Variants in UCK2 observed in about 807,000 individuals in gnomAD.
UCK2 encodes cytidine monophosphokinase 2.
Under a neutral mutation model 30.8 loss-of-function variants are expected in UCK2, and 6 were observed. That is an observed-to-expected ratio of 0.19 (90% CI 0.11 to 0.38). The LOEUF (loss-of-function observed/expected upper bound fraction) is 0.38, where lower values mean the gene tolerates loss of function less well. Among genes scored for constraint, UCK2 ranks in the 10% least tolerant of loss-of-function variants. The pLI, the probability that UCK2 is intolerant of heterozygous loss-of-function variation, is 1.00. For synonymous variants in UCK2, 125 were observed against 133.6 expected (o/e 0.94, Z 0.45); for missense variants, 210 against 339.8 (o/e 0.62, Z 3.00).
intron 4 of UCK2, among the ~76,000 whole-genome samples, chr1:165,896,820 C>T (rs995087259): frequency 2.6e-5 from 4 of 152,186 alleles, no homozygotes; most frequent in Non-Finnish European, 5.9e-5. Flanking sequence ...TCACTCTTTC[C>T]AGTCAGCTCA....
intron 4 of UCK2, chr1:165,900,272 C>T (rs1017606101): frequency 4.6e-5 from 7 of 152,230 alleles, no homozygotes; most frequent in African/African-American, 1.7e-4. Context: ...CATCATAGAA[C>T]ACATGCTTAT....
At chr1:165,889,282 CCTT>C (rs1333002198) in intron 1 of UCK2, among the ~76,000 whole-genome samples, 3 of 152,204 alleles carry the variant, frequency 2.0e-5, no homozygotes, top group Admixed American at 1.3e-4. Context: ...GTGAGCATAG[CCTT>C]CTTGCTAACT....
intron 1 of UCK2, among the ~76,000 whole-genome samples, chr1:165,861,480 T>C (rs1207425966): frequency 6.7e-6 from 1 of 150,084 alleles, no homozygotes; most frequent in Non-Finnish European, 1.5e-5. Context: ...TACAAAAAAT[T>C]AGCCGGGCGT....
At chr1:165,869,345 A>G (rs750342092) in intron 1 of UCK2, among the ~76,000 whole-genome samples, 78 of 151,396 alleles carry the variant, frequency 5.2e-4, no homozygotes, top group Non-Finnish European at 8.8e-4. Flanking sequence ...CAAACCTTCA[A>G]TTTGTAAAAA....
At chr1:165,898,363 C>T (rs1440158976) in intron 4 of UCK2, among the ~76,000 whole-genome samples, 1 of 152,174 alleles carries the variant, frequency 6.6e-6, no homozygotes, top group African/African-American at 2.4e-5. Context: ...AGAGGTAGTG[C>T]AGGTAAAATG....
chr1:165,892,509 G>A (rs1028839291), intron 3 of UCK2: 5 of 152,198 alleles, frequency 3.3e-5, no homozygotes, highest in African/African-American at 1.2e-4. Context: ...CCCTGTCTCA[G>A]TATTATGATC....
At chr1:165,892,112 T>C in intron 3 of UCK2, 1 of 101,500 alleles carries the variant, frequency 9.9e-6, no homozygotes, top group Non-Finnish European at 2.1e-5. Context: ...GAGGGGGCTG[T>C]TTTGGTGCTT....
At chr1:165,894,385 C>G (rs1402703414) in intron 3 of UCK2, 1 of 152,126 alleles carries the variant, frequency 6.6e-6, no homozygotes, top group African/African-American at 2.4e-5. Context: ...GTTCTGTTTT[C>G]TGAACTTCTC....
In UCK2 at chr1:165,882,577, G is replaced by T. The variant is rs184208757; in HGVS notation, c.100-7627G>T. On this transcript the variant is annotated intron_variant, in intron 1 of 6. Coordinates refer to ENST00000367879, the MANE Select transcript of UCK2 (RefSeq NM_012474.5). ...AGTTCAACATCAAGGTACTGGCAGGGTTGGTGTCTGGTGAGGGCCGCTGTC... is the reference window on the plus strand; with the variant it reads ...AGTTCAACATCAAGGTACTGGCAGGTTTGGTGTCTGGTGAGGGCCGCTGTC... Among the ~76,000 whole-genome samples, 346 of 152,320 alleles carry T rather than the reference G, an allele frequency of 2.3e-3. 2 individuals are homozygous for T. The highest frequency in any genetic ancestry group is 8.0e-3 in the African/African-American group (332 of 41,574).
chr1:165,838,066 A>G (rs368418661), intron 1 of UCK2, among the ~76,000 whole-genome samples: 3 of 152,326 alleles, frequency 2.0e-5, no homozygotes, highest in African/African-American at 7.2e-5. Flanking sequence ...TCGCTAAGTG[A>G]CTTGGATCCA....
chr1:165,887,784 A>T (rs1333877034), intron 1 of UCK2, among the ~76,000 whole-genome samples: 1 of 146,886 alleles, frequency 6.8e-6, no homozygotes, highest in African/African-American at 2.5e-5. Context: ...CCCCCCACCC[A>T]TCCATCTGTA....
intron 1 of UCK2, among the ~76,000 whole-genome samples, chr1:165,835,084 C>T (rs927357100): frequency 3.3e-5 from 5 of 152,074 alleles, no homozygotes; most frequent in African/African-American, 7.2e-5. Context: ...CTTGCCTGTC[C>T]TCTAGAAGTC....
At chr1:165,878,511 A>G (rs1044991047) in intron 1 of UCK2, among the ~76,000 whole-genome samples, 3 of 151,920 alleles carry the variant, frequency 2.0e-5, no homozygotes, top group African/African-American at 7.3e-5. Context: ...TTGTATTTTT[A>G]GTGGAGACGG....
intron 1 of UCK2, among the ~76,000 whole-genome samples, chr1:165,883,753 G>C (rs1655554944): frequency 6.6e-6 from 1 of 152,158 alleles, no homozygotes; most frequent in African/African-American, 2.4e-5. Context: ...CCCCTTCCAT[G>C]CTGTGGAAGC....
At chr1:165,863,507 GT>G (rs1654971730) in intron 1 of UCK2, among the ~76,000 whole-genome samples, 1 of 152,220 alleles carries the variant, frequency 6.6e-6, no homozygotes, top group African/African-American at 2.4e-5. Flanking sequence ...ATCCTCACCC[GT>G]TTGTCTGGGA....
chr1:165,855,785 C>T (rs188542632), intron 1 of UCK2, among the ~76,000 whole-genome samples: 13 of 152,246 alleles, frequency 8.5e-5, no homozygotes, highest in South Asian at 4.1e-4. Context: ...GGGTGTGCAT[C>T]GTCACAGAGC....
chr1:165,896,056 GT>G, intron 3 of UCK2, 133 bp from the exon 4 acceptor site: 1 of 1,171,236 alleles, frequency 8.5e-7, no homozygotes. Context: ...TATTAGCCAA[GT>G]CTTTAGCCCC....
In UCK2 at chr1:165,910,722, C is replaced by T. The variant is rs1056345009; in HGVS notation, c.*2899C>T. 3.7e-4 allele frequency: 56 copies of T among 152,452 alleles called. 2 individuals are homozygous for T. The highest frequency in any genetic ancestry group is 1.3e-3 in the African/African-American group (53 of 41,450). The allele number at this position is 152,452 out of a possible 1,614,324, so 9.4% of individuals were successfully genotyped here. On this transcript the variant is annotated 3_prime_UTR_variant, in exon 7 of 7. Coordinates refer to ENST00000367879, the MANE Select transcript of UCK2 (RefSeq NM_012474.5). ...GGCAGTGGGTTAAACAACGGGATGT[C>T]TGTGGGACAGGCCAGGGAAGGAGGG...
rs540656498 is a variant in UCK2 at position 165,892,319 on chromosome 1, A to T, written c.356+997A>T. 2.6e-5 allele frequency: 4 copies of T among 152,108 alleles called. No individual in the cohort carries two copies. In the South Asian group the frequency reaches 8.3e-4, roughly 32 times the overall value. 9.4% of individuals were successfully genotyped at this position (152,108 alleles called of 1,614,324 possible). A position where few individuals can be genotyped will look rare whatever the true frequency, so the allele number is the denominator to read the frequency against. On this transcript the variant is annotated intron_variant, in intron 3 of 6. Coordinates refer to ENST00000367879, the MANE Select transcript of UCK2 (RefSeq NM_012474.5). ...TATAGGATTTGGAGCTTACACGAAC[A>T]TCAAGGCTGGGAGAGTGAAGGCCTG...
Sources: gnomAD v4.1 joint callset for allele counts (sites outside exome capture counted in the v4.1 genomes callset) on GRCh38, gnomAD v4.1.1 for gene constraint, MANE v1.5 for transcripts, NCBI Gene and HGNC (gene_info 2026-07-23, HGNC 2026-07-21) for gene names.